COL25A1: variants seen among roughly 807,000 people sequenced by gnomAD.
COL25A1 encodes collagen alpha-1(XXV) chain.
Under a neutral mutation model 128.4 loss-of-function variants are expected in COL25A1, and 103 were observed. The ratio of observed to expected loss-of-function variants is 0.80; its 90% CI spans 0.68 to 0.94. The LOEUF is 0.94. Ranked by LOEUF, COL25A1 falls within the 40% of genes least tolerant of loss-of-function variation. The probability of loss-of-function intolerance (pLI) is 0.00; values close to 1 mark genes in which losing one functional copy is unlikely to be tolerated. For synonymous variants in COL25A1, 279 were observed against 277.2 expected (o/e 1.01, Z -0.06); for missense variants, 745 against 840.0 (o/e 0.89, Z 1.40).
chr4:108,932,613 G>GT (rs1746883557), intron 11 of COL25A1, among the ~76,000 whole-genome samples: 1 of 152,116 alleles, frequency 6.6e-6, no homozygotes, highest in Non-Finnish European at 1.5e-5. Context: ...AAGTGATTTG[G>GT]TTTTTGAAAC....
At chr4:108,951,234 G>A (rs532310957) in intron 8 of COL25A1, among the ~76,000 whole-genome samples, 32 of 152,242 alleles carry the variant, frequency 2.1e-4, no homozygotes, top group African/African-American at 3.9e-4. Context: ...TTTATACAAC[G>A]AAGGTGCCAT....
At chr4:108,988,970 G>A (rs1753919129) in intron 6 of COL25A1, among the ~76,000 whole-genome samples, 1 of 152,104 alleles carries the variant, frequency 6.6e-6, no homozygotes, top group African/African-American at 2.4e-5. Context: ...CACAGTGTCA[G>A]CTACTACTTG....
intron 3 of COL25A1, among the ~76,000 whole-genome samples, chr4:109,113,265 G>C (rs1204798771): frequency 6.6e-6 from 1 of 152,066 alleles, no homozygotes; most frequent in Non-Finnish European, 1.5e-5. Context: ...GCAGCTCTGG[G>C]AAGAGATTTG....
At chr4:108,873,046 C>T (rs1219987228) in intron 19 of COL25A1, among the ~76,000 whole-genome samples, 1 of 151,936 alleles carries the variant, frequency 6.6e-6, no homozygotes, top group African/African-American at 2.4e-5. Flanking sequence ...TTGTGCATCA[C>T]CACGCCTGGC....
chr4:109,010,590 CTATT>C (rs1756480352), intron 5 of COL25A1, among the ~76,000 whole-genome samples: 1 of 152,178 alleles, frequency 6.6e-6, no homozygotes, highest in African/African-American at 2.4e-5. Flanking sequence ...ATATTATAGT[CTATT>C]TAACTCCAAA....
chr4:109,264,097 T>C (rs1560950607), intron 3 of COL25A1, among the ~76,000 whole-genome samples: 1 of 152,162 alleles, frequency 6.6e-6, no homozygotes, highest in Non-Finnish European at 1.5e-5. Context: ...TGTGAAAGCA[T>C]ATAAGCAAGA....
At chr4:108,819,710 C>A in intron 35 of COL25A1, 1 of 498,608 alleles carries the variant, frequency 2.0e-6, no homozygotes, top group Non-Finnish European at 3.2e-6. Context: ...GTTAAATGAG[C>A]CCAATCAGAA....
chr4:108,911,445 AATT>A (rs770420850), intron 13 of COL25A1, among the ~76,000 whole-genome samples: 67,891 of 149,772 alleles, frequency 0.45, 18,091 homozygotes, highest in East Asian at 0.93. Context: ...TTTTTCATAT[AATT>A]GTTCATTTAA....
At chr4:109,158,020 G>A (rs1772199905) in intron 3 of COL25A1, among the ~76,000 whole-genome samples, 1 of 152,084 alleles carries the variant, frequency 6.6e-6, no homozygotes, top group African/African-American at 2.4e-5. Context: ...CATGGATGTT[G>A]ACAAACCACC....
At chr4:108,970,133 G>A (rs1751760922) in intron 8 of COL25A1, among the ~76,000 whole-genome samples, 1 of 152,032 alleles carries the variant, frequency 6.6e-6, no homozygotes, top group African/African-American at 2.4e-5. Context: ...AACTCCTGAT[G>A]TCAGGTGATC....
intron 3 of COL25A1, among the ~76,000 whole-genome samples, chr4:109,193,945 G>T (rs545816312): frequency 6.6e-6 from 1 of 152,348 alleles, no homozygotes; most frequent in South Asian, 2.1e-4. Context: ...TGAAAAGGGA[G>T]AGAAGAAAGA....
At chr4:109,172,423 A>C (rs1214944206) in intron 3 of COL25A1, among the ~76,000 whole-genome samples, 1 of 152,168 alleles carries the variant, frequency 6.6e-6, no homozygotes, top group Non-Finnish European at 1.5e-5. Context: ...AGTAATGTCT[A>C]AGTTGGGACC....
intron 3 of COL25A1, among the ~76,000 whole-genome samples, chr4:109,210,105 A>C (rs959948517): frequency 1.3e-5 from 2 of 151,870 alleles, no homozygotes; most frequent in African/African-American, 4.8e-5. Context: ...GTTAGGTATT[A>C]ATTTCATTAT....
chr4:109,202,218 C>T (rs1169042122), intron 3 of COL25A1, among the ~76,000 whole-genome samples: 2 of 152,098 alleles, frequency 1.3e-5, no homozygotes, highest in South Asian at 4.1e-4. Flanking sequence ...TCAAAACTTA[C>T]TATAAAGCCA....
chr4:109,298,120 T>C (rs1725167689), intron 3 of COL25A1, among the ~76,000 whole-genome samples: 1 of 152,076 alleles, frequency 6.6e-6, no homozygotes, highest in Non-Finnish European at 1.5e-5. Flanking sequence ...AGTTTCCTCA[T>C]CTGTAAAATG....
intron 3 of COL25A1, among the ~76,000 whole-genome samples, chr4:109,264,539 T>C (rs2126258385): frequency 6.6e-6 from 1 of 152,286 alleles, no homozygotes; most frequent in East Asian, 1.9e-4. Context: ...CAGGACATGG[T>C]GAATGAAAAA....
At chr4:109,278,987 G>A (rs1219715986) in intron 3 of COL25A1, among the ~76,000 whole-genome samples, 1 of 151,910 alleles carries the variant, frequency 6.6e-6, no homozygotes, top group East Asian at 1.9e-4. Flanking sequence ...ACTCCCTAGG[G>A]ACCTTTTTAT....
chr4:109,130,905 A>C (rs2126068158), intron 3 of COL25A1, among the ~76,000 whole-genome samples: 1 of 152,296 alleles, frequency 6.6e-6, no homozygotes, highest in South Asian at 2.1e-4. Flanking sequence ...TCATATACCA[A>C]AACAGAAAAT....
At chr4:109,207,980 C>T (rs144906992) in intron 3 of COL25A1, among the ~76,000 whole-genome samples, 1 of 152,106 alleles carries the variant, frequency 6.6e-6, no homozygotes, top group African/African-American at 2.4e-5. Flanking sequence ...CTTTCTAAAG[C>T]AGGCTCAATG....
Sources: allele counts gnomAD v4.1 joint callset (sites outside exome capture counted in the v4.1 genomes callset), GRCh38; gene constraint gnomAD v4.1.1; transcripts MANE v1.5; gene names NCBI Gene and HGNC (gene_info 2026-07-23, HGNC 2026-07-21).